Variants in SMAD3 observed in about 807,000 individuals in gnomAD.
SMAD3 encodes the protein SMAD family member 3.
SMAD3 carries 12 observed loss-of-function variants against 51.8 expected under a neutral mutation model. The observed-to-expected ratio is 0.23, with a 90% CI of 0.15 to 0.38. The LOEUF (loss-of-function observed/expected upper bound fraction) is 0.38, where lower values mean the gene tolerates loss of function less well. Ranked by LOEUF, SMAD3 falls within the 10% of genes least tolerant of loss-of-function variation. SMAD3 has a pLI of 1.00. For missense variants in SMAD3, 294 were observed against 565.6 expected, an observed-to-expected ratio of 0.52 and a Z score of 4.87; for synonymous variants, 238 against 227.7, an observed-to-expected ratio of 1.05 and a Z score of -0.41.
At chr15:67,147,296 C>T (rs1659110383) in intron 1 of SMAD3, among the ~76,000 whole-genome samples, 1 of 152,180 alleles carries the variant, frequency 6.6e-6, no homozygotes, top group Admixed American at 6.5e-5. Context: ...TGGGAAATGC[C>T]AGGCACAGCC....
At chr15:67,115,699 G>A (rs1961119739) in intron 1 of SMAD3, among the ~76,000 whole-genome samples, 1 of 152,234 alleles carries the variant, frequency 6.6e-6, no homozygotes, top group Non-Finnish European at 1.5e-5. Context: ...TACAGATTCA[G>A]TGGCATTAAC....
intron 1 of SMAD3, among the ~76,000 whole-genome samples, chr15:67,108,942 A>G (rs1960941199): frequency 1.3e-5 from 2 of 152,228 alleles, no homozygotes; most frequent in South Asian, 4.1e-4. Flanking sequence ...GATATTATGT[A>G]TTATGAATGT....
At chr15:67,103,907 T>C (rs1960818820) in intron 1 of SMAD3, among the ~76,000 whole-genome samples, 1 of 152,172 alleles carries the variant, frequency 6.6e-6, no homozygotes, top group African/African-American at 2.4e-5. Context: ...CTATTTGCCG[T>C]ATTGAAGGTG....
At chr15:67,069,629 G>T (rs1341689191) in intron 1 of SMAD3, among the ~76,000 whole-genome samples, 1 of 152,078 alleles carries the variant, frequency 6.6e-6, no homozygotes, top group Non-Finnish European at 1.5e-5. Context: ...TTGTGTCAGA[G>T]CACCCAGTCC....
chr15:67,136,307 C>A (rs1417550386), intron 1 of SMAD3, among the ~76,000 whole-genome samples: 1 of 151,648 alleles, frequency 6.6e-6, no homozygotes, highest in Non-Finnish European at 1.5e-5. Flanking sequence ...TGTGAGGAAA[C>A]ACATCCCAGA....
At chr15:67,104,436 TC>T (rs1034889478) in intron 1 of SMAD3, among the ~76,000 whole-genome samples, 9 of 152,340 alleles carry the variant, frequency 5.9e-5, no homozygotes, top group South Asian at 2.1e-4. Flanking sequence ...TCCTCTGTGT[TC>T]CCCGGCATTC....
chr15:67,123,133 C>T (rs1961305541), intron 1 of SMAD3, among the ~76,000 whole-genome samples: 1 of 143,258 alleles, frequency 7.0e-6, no homozygotes, highest in African/African-American at 2.6e-5. Flanking sequence ...GAGTTAAAGT[C>T]TGCAGTGAAC....
chr15:67,174,077 C>A lies in SMAD3; in HGVS notation c.658+3473C>A, dbSNP rs893093392. Among the ~76,000 whole-genome samples, 15 of 152,182 alleles carry A rather than the reference C, an allele frequency of 9.9e-5. 1 individual carries two copies. The highest frequency in any genetic ancestry group is 3.3e-4 in the Admixed American group (5 of 15,278). On this transcript the variant is annotated intron_variant, in intron 5 of 8. Coordinates refer to ENST00000327367, the MANE Select transcript of SMAD3 (RefSeq NM_005902.4). ...TGTGGCAGCCTTTCCCATAGCGGGGCCTGAGAGAAGGGGTTTGGTGGTTGA... is the reference window on the plus strand; with the variant it reads ...TGTGGCAGCCTTTCCCATAGCGGGGACTGAGAGAAGGGGTTTGGTGGTTGA...
intron 1 of SMAD3, among the ~76,000 whole-genome samples, chr15:67,067,351 C>T (rs551453001): frequency 6.6e-6 from 1 of 152,336 alleles, no homozygotes; most frequent in African/African-American, 2.4e-5. Context: ...CCTTCCTTAG[C>T]TTAGATGTGC....
chr15:67,168,563 T>C (rs1362216774), intron 4 of SMAD3, among the ~76,000 whole-genome samples: 2 of 152,324 alleles, frequency 1.3e-5, no homozygotes, highest in South Asian at 4.1e-4. Flanking sequence ...ATTTGCACAA[T>C]GATTATTGTT....
intron 1 of SMAD3, chr15:67,138,198 C>T (rs886355769): frequency 3.0e-5 from 28 of 934,808 alleles, no homozygotes; most frequent in Admixed American, 1.4e-4. Context: ...AGAGTTTCTC[C>T]GGGCTTCTCT....
At chr15:67,078,729 C>G (rs750983427) in intron 1 of SMAD3, among the ~76,000 whole-genome samples, 4 of 152,084 alleles carry the variant, frequency 2.6e-5, no homozygotes, top group Non-Finnish European at 5.9e-5. Flanking sequence ...TAACTGAAGG[C>G]AAGACCAGGG....
At chr15:67,153,651 T>TG (rs1293094063) in intron 1 of SMAD3, among the ~76,000 whole-genome samples, 2 of 152,000 alleles carry the variant, frequency 1.3e-5, no homozygotes, top group Admixed American at 1.3e-4. Context: ...CAGCTGCAGG[T>TG]GGGTCACAGC....
At chr15:67,113,325 C>T (rs1037975281) in intron 1 of SMAD3, among the ~76,000 whole-genome samples, 7 of 151,140 alleles carry the variant, frequency 4.6e-5, no homozygotes, top group Non-Finnish European at 8.8e-5. Flanking sequence ...CTCTTGACCT[C>T]GTGATCCACC....
intron 5 of SMAD3, chr15:67,174,246 C>T (rs1962829768): frequency 1.3e-5 from 2 of 152,304 alleles, no homozygotes; most frequent in East Asian, 3.9e-4. Context: ...TCCTGTACTT[C>T]TGTCTTACCG....
intron 1 of SMAD3, among the ~76,000 whole-genome samples, chr15:67,117,276 C>T (rs1375096380): frequency 6.6e-6 from 1 of 152,144 alleles, no homozygotes; most frequent in Non-Finnish European, 1.5e-5. Context: ...GGCATTTTCC[C>T]ACCTTGTGGG....
chr15:67,092,218 A>G (rs1162895768), intron 1 of SMAD3, among the ~76,000 whole-genome samples: 1 of 152,168 alleles, frequency 6.6e-6, no homozygotes, highest in Non-Finnish European at 1.5e-5. Context: ...AGAGCACAGG[A>G]AGATGAGGGA....
intron 1 of SMAD3, among the ~76,000 whole-genome samples, chr15:67,120,822 C>T (rs1961241834): frequency 6.6e-6 from 1 of 152,184 alleles, no homozygotes; most frequent in South Asian, 2.1e-4. Context: ...CAGCCCAACA[C>T]AAATTCATAA....
At chr15:67,079,129 C>A (rs1960230677) in intron 1 of SMAD3, among the ~76,000 whole-genome samples, 1 of 152,062 alleles carries the variant, frequency 6.6e-6, no homozygotes, top group African/African-American at 2.4e-5. Flanking sequence ...CAGGCATGCA[C>A]CACCATGCCT....
Sources: gnomAD v4.1 joint callset for allele counts (sites outside exome capture counted in the v4.1 genomes callset) on GRCh38, gnomAD v4.1.1 for gene constraint, MANE v1.5 for transcripts, NCBI Gene and HGNC (gene_info 2026-07-23, HGNC 2026-07-21) for gene names.